Variants in SQSTM1 observed in about 807,000 individuals in gnomAD.
The protein encoded by SQSTM1 is sequestosome 1.
Under a neutral mutation model 45.1 loss-of-function variants are expected in SQSTM1, and 36 were observed. The observed-to-expected ratio is 0.80, with a 90% CI of 0.61 to 1.05. The LOEUF is 1.05. SQSTM1 is among the 50% of genes least tolerant of loss of function. The pLI, the probability that SQSTM1 is intolerant of heterozygous loss-of-function variation, is 0.00. For missense variants in SQSTM1, 617 were observed against 607.1 expected (o/e 1.02, Z -0.17); for synonymous variants, 290 against 244.3 (o/e 1.19, Z -1.74).
upstream of SQSTM1, among the ~76,000 whole-genome samples, chr5:179,815,979 G>A (rs1046863908): frequency 4.6e-5 from 7 of 152,132 alleles, no homozygotes; most frequent in East Asian, 1.9e-4. Flanking sequence ...TCGCAGGGAG[G>A]TCGAAGAGCT....
At chr5:179,833,512 C>A in intron 6 of SQSTM1, 75 bp from the exon 7 acceptor site, 2 of 1,529,708 alleles carry the variant, frequency 1.3e-6, no homozygotes, top group Non-Finnish European at 1.8e-6. Context: ...CGACTGTCTG[C>A]CAGGAGCCAG....
chr5:179,825,939 A>G (rs1757967860), intron 5 of SQSTM1, among the ~76,000 whole-genome samples: 2 of 152,140 alleles, frequency 1.3e-5, no homozygotes, highest in South Asian at 4.2e-4. Flanking sequence ...CTAGTTCAAG[A>G]TGACGGTGGA....
chr5:179,826,459 G>T (rs1454958479), intron 5 of SQSTM1, among the ~76,000 whole-genome samples: 2 of 152,056 alleles, frequency 1.3e-5, no homozygotes, highest in Non-Finnish European at 2.9e-5. Flanking sequence ...GAACCACTGC[G>T]CCTGGCCTTG....
chr5:179,810,588 G>A (rs1271889919), intron 1 of SQSTM1, among the ~76,000 whole-genome samples: 1 of 152,160 alleles, frequency 6.6e-6, no homozygotes, highest in Admixed American at 6.6e-5. Flanking sequence ...GTGTGCATGT[G>A]TCTTTATAGC....
At chr5:179,823,537 A>C in intron 2 of SQSTM1, 1 of 349,064 alleles carries the variant, frequency 2.9e-6, no homozygotes, top group South Asian at 2.6e-5. Flanking sequence ...CACTCTAGGG[A>C]TGGGGTCTGG....
At chr5:179,820,801 A>G (rs1757742300), upstream of SQSTM1, 1 of 843,428 alleles carries the variant, frequency 1.2e-6, no homozygotes, top group East Asian at 3.4e-5. Flanking sequence ...TCGCGCCGCG[A>G]CGACGGTGGC....
intron 5 of SQSTM1, among the ~76,000 whole-genome samples, chr5:179,830,466 T>A (rs1324814840): frequency 6.6e-6 from 1 of 152,102 alleles, no homozygotes; most frequent in Non-Finnish European, 1.5e-5. Context: ...ACAGTTGTCT[T>A]CATCTCGTGG....
upstream of SQSTM1, among the ~76,000 whole-genome samples, chr5:179,816,909 G>C (rs1179004418): frequency 6.6e-6 from 1 of 152,218 alleles, no homozygotes; most frequent in East Asian, 1.9e-4. Flanking sequence ...GGCTGGCGAG[G>C]GGGCGGCGCC....
rs1300018443 is a variant in SQSTM1, at chr5:179,806,914, G to C, written c.-157+323G>C. 1 of 150,736 alleles carries C rather than the reference G, an allele frequency of 6.6e-6. No homozygotes were observed. Among genetic ancestry groups the C allele is most frequent in the African/African-American group, 2.4e-5 (1 of 41,240 alleles). The allele number at this position is 150,736 out of a possible 1,614,324, so 9.3% of individuals were successfully genotyped here. A position where few individuals can be genotyped will look rare whatever the true frequency, so the allele number is the denominator to read the frequency against. On this transcript the variant is annotated intron_variant, in intron 1 of 5. Transcript: ENST00000514093. This position sits in a 1 kb window ranked among gnomAD's most constrained non-coding sequence, Gnocchi z 4.6. ...GGCCGGGCCGGGCCGGGCTGGGCTG[G>C]GCTGGGCGGCGAGAGCCGCGGCCCG...
chr5:179,821,219 C>A, intron 1 of SQSTM1, 78 bp downstream of exon 1: 1 of 1,275,876 alleles, frequency 7.8e-7, no homozygotes, highest in South Asian at 2.0e-5. Context: ...TGCCCCCTCC[C>A]TTCTCGGCGA....
chr5:179,826,516 A>G (rs1182340634), intron 5 of SQSTM1, among the ~76,000 whole-genome samples: 1 of 151,750 alleles, frequency 6.6e-6, no homozygotes, highest in Non-Finnish European at 1.5e-5. Flanking sequence ...TTGCTTCTGA[A>G]CTAAACAGCC....
chr5:179,807,136 T>TG (rs559539498), intron 1 of SQSTM1, among the ~76,000 whole-genome samples: 1,958 of 135,312 alleles, frequency 0.014, 37 homozygotes, highest in African/African-American at 0.051. Flanking sequence ...AAGGCTGGAG[T>TG]GGGAGTGCAG....
rs1757160602 is a variant in SQSTM1, at chr5:179,806,428, C to G, written c.-320C>G. 5 of 1,086,652 alleles carry G rather than the reference C, an allele frequency of 4.6e-6. No individual in the cohort carries two copies. Among genetic ancestry groups the G allele is most frequent in the South Asian group, 3.3e-5 (1 of 30,422 alleles). 67.3% of individuals were successfully genotyped at this position (1,086,652 alleles called of 1,614,324 possible). On this transcript the variant is annotated 5_prime_UTR_variant, in exon 1 of 6. Transcript: ENST00000514093. The surrounding 1 kb of genome is among the most constrained non-coding windows in gnomAD (Gnocchi z 4.6). The stretch of plus-strand genomic sequence containing the variant: ...CGCCTTCCGCGGCCACCGCCGGGCC[C>G]GCTCCCGCCGCCGACGCCCAGGTGC...
intron 7 of SQSTM1, among the ~76,000 whole-genome samples, chr5:179,834,930 G>C (rs1469893007): frequency 6.6e-6 from 1 of 152,218 alleles, no homozygotes; most frequent in Non-Finnish European, 1.5e-5. Flanking sequence ...ACACCTCCCA[G>C]ACGGGGTGGT....
chr5:179,823,445 C>CAAAAAAAAA (rs59899831), intron 2 of SQSTM1: 18 of 55,922 alleles, frequency 3.2e-4, no homozygotes, highest in African/African-American at 6.5e-4. Flanking sequence ...GCCTAGGCGA[C>CAAAAAAAAA]AAAAAAAAAA....
chr5:179,822,747 G>A (rs1008461514), intron 1 of SQSTM1: 5 of 633,910 alleles, frequency 7.9e-6, no homozygotes, highest in African/African-American at 1.8e-5. Context: ...TGTGGCTGTG[G>A]TCCAGGGCCC....
chr5:179,816,029 G>C (rs1757567117), upstream of SQSTM1, among the ~76,000 whole-genome samples: 1 of 152,192 alleles, frequency 6.6e-6, no homozygotes, highest in Non-Finnish European at 1.5e-5. Context: ...GCGGGCACTG[G>C]GCTGCGAGTG....
At chr5:179,821,339 C>A (rs1480695129) in intron 1 of SQSTM1, among the ~76,000 whole-genome samples, 198 bp downstream of exon 1, 1 of 152,208 alleles carries the variant, frequency 6.6e-6, no homozygotes, top group South Asian at 2.1e-4. Flanking sequence ...GAGTGGTGAC[C>A]AAGGCCGGGA....
chr5:179,823,657 CAA>C, intron 2 of SQSTM1, 199 bp from the exon 3 acceptor site: 1 of 611,146 alleles, frequency 1.6e-6, no homozygotes, highest in Non-Finnish European at 2.9e-6. Flanking sequence ...CTGCCTGGGC[CAA>C]ACAGACACAG....
Sources: gnomAD v4.1 joint callset for allele counts (sites outside exome capture counted in the v4.1 genomes callset) on GRCh38, gnomAD v4.1.1 for gene constraint, Gnocchi (gnomAD v3.1) non-coding constraint, MANE v1.5 for transcripts, NCBI Gene and HGNC (gene_info 2026-07-23, HGNC 2026-07-21) for gene names.